SLC34A1: variants seen among roughly 807,000 people sequenced by gnomAD.
SLC34A1 encodes sodium-dependent phosphate transport protein 2A.
Under a neutral mutation model 51.4 loss-of-function variants are expected in SLC34A1, and 57 were observed. The observed-to-expected ratio is 1.11, with a 90% CI of 0.90 to 1.38. The LOEUF (loss-of-function observed/expected upper bound fraction) is 1.38, where lower values mean the gene tolerates loss of function less well. Among genes scored for constraint, SLC34A1 ranks in the 40% most tolerant of loss-of-function variants. The probability of loss-of-function intolerance (pLI) is 0.00; values close to 1 mark genes in which losing one functional copy is unlikely to be tolerated. For missense variants in SLC34A1, 796 were observed against 835.6 expected (o/e 0.95, Z 0.58); for synonymous variants, 368 against 358.0 (o/e 1.03, Z -0.32).
At chr5:177,389,959 C>T (rs1762745510) in intron 8 of SLC34A1, 1 of 1,396,522 alleles carries the variant, frequency 7.2e-7, no homozygotes, top group Non-Finnish European at 9.3e-7. Flanking sequence ...TGGAGAGTAG[C>T]TGGTGGGTGG....
At chr5:177,387,369 T>C (rs1191203297) in intron 5 of SLC34A1, among the ~76,000 whole-genome samples, 1 of 152,040 alleles carries the variant, frequency 6.6e-6, no homozygotes, top group Non-Finnish European at 1.5e-5. Flanking sequence ...CACTCCAGCC[T>C]GGGCGACAGA....
intron 8 of SLC34A1, chr5:177,389,945 G>T: frequency 7.1e-7 from 1 of 1,405,284 alleles, no homozygotes; most frequent in South Asian, 1.6e-5. Context: ...TCATTTCCTC[G>T]GCTTGGAGAG....
chr5:177,388,274 C>T lies in SLC34A1; in HGVS notation c.841-3C>T, dbSNP rs1762675064. 6.2e-7 allele frequency: 1 copy of T among 1,614,050 alleles called. No individual in the cohort carries two copies. The highest frequency in any genetic ancestry group is 1.3e-5 in the African/African-American group (1 of 74,922). On this transcript the variant is annotated splice_polypyrimidine_tract_variant and splice_region_variant and intron_variant, in intron 7 of 12. Coordinates refer to ENST00000324417, the MANE Select transcript of SLC34A1 (RefSeq NM_003052.5). The surrounding 1 kb of genome is among the most constrained non-coding windows in gnomAD (Gnocchi z 4.3). ...ACTCCCCCTGCCCACATCTTGCCCACAGCTGGACGAGTCTGTGATAACCAG... is the reference window on the plus strand; with the variant it reads ...ACTCCCCCTGCCCACATCTTGCCCATAGCTGGACGAGTCTGTGATAACCAG...
In SLC34A1 at chr5:177,389,847, C is replaced by G. The variant is rs183163580; in HGVS notation, c.936+1475C>G. The G allele has an allele frequency of 6.1e-6, 9 of 1,477,626 alleles. No individual in the cohort carries two copies. The East Asian group carries it at 1.7e-4, about 29-fold the overall frequency. The allele number at this position is 1,477,626 out of a possible 1,614,324, so 91.5% of individuals were successfully genotyped here. A position where few individuals can be genotyped will look rare whatever the true frequency, so the allele number is the denominator to read the frequency against. On this transcript the variant is annotated intron_variant, in intron 8 of 12. Coordinates refer to ENST00000324417, the MANE Select transcript of SLC34A1 (RefSeq NM_003052.5). ...GAGGCCGCCCTTGGGCCTTTCTCTA[C>G]GGCTGCAGCTGACACTTGTCCAGCT...
rs1031285040 is a variant in SLC34A1 at position 177,394,531 on chromosome 5, G to T, written c.1174+336G>T. ...AAACAGAGTTGGGTCCTGCCCTGAG[G>T]GGCTCACAGCCCAGCAGGGGGAGGA... On this transcript the variant is annotated intron_variant, in intron 10 of 12. Coordinates refer to ENST00000324417, the MANE Select transcript of SLC34A1 (RefSeq NM_003052.5). Among the ~76,000 whole-genome samples the T allele has an allele frequency of 2.0e-5, 3 of 152,128 alleles. No homozygotes were observed. The South Asian group carries it at 6.2e-4, about 31-fold the overall frequency.
Position 177,388,179 on chromosome 5 carries a change from T to C in SLC34A1, c.830T>C (p.Leu277Pro). 2.5e-6 allele frequency: 4 copies of C among 1,614,028 alleles called. No individual in the cohort carries two copies. Among genetic ancestry groups the C allele is most frequent in the Non-Finnish European group, 2.5e-6 (3 of 1,179,984 alleles). ...LKIITEPFTK[L>P]IIQLDESVIT... ...ATCATCACAGAGCCCTTCACGAAGC[T>C]CATCATCCAGGTGACAGCAGGGCCT... Residue 277 changes from leucine (L) to proline (P), a missense_variant, in exon 7 of 13, where the codon CTC (leucine) becomes CCC (proline). Coordinates refer to ENST00000324417, the MANE Select transcript of SLC34A1 (RefSeq NM_003052.5). The surrounding 1 kb of genome is among the most constrained non-coding windows in gnomAD (Gnocchi z 4.3).
rs775773480 is a variant in SLC34A1 at position 177,386,604 on chromosome 5, G to A, written c.532+38G>A. ...ACCAGGGTGGGGAAGAGCTTGGAGG[G>A]GCACCCCAGGAGCTGGGAAGGGTGG... On this transcript the variant is annotated intron_variant, in intron 5 of 12. Coordinates refer to ENST00000324417, the MANE Select transcript of SLC34A1 (RefSeq NM_003052.5). This position sits in a 1 kb window ranked among gnomAD's most constrained non-coding sequence, Gnocchi z 4.8. 1 of 1,612,076 alleles carries A rather than the reference G, an allele frequency of 6.2e-7. No individual in the cohort carries two copies. Among genetic ancestry groups the A allele is most frequent in the South Asian group, 1.1e-5 (1 of 91,066 alleles).
rs1443017066 is a variant in SLC34A1, at chr5:177,397,341, T to C, written c.1416+267T>C. ...AAGGAAGAGGAAGAGGAAGAGGCAC[T>C]ACAAAAGAGGGCCTGGAGCAGTTTG... On this transcript the variant is annotated intron_variant, in intron 12 of 12. Coordinates refer to ENST00000324417, the MANE Select transcript of SLC34A1 (RefSeq NM_003052.5). 6 of 527,712 alleles carry C rather than the reference T, an allele frequency of 1.1e-5. No individual in the cohort carries two copies. In the African/African-American group the frequency reaches 1.1e-4, roughly 10 times the overall value. 32.7% of individuals were successfully genotyped at this position (527,712 alleles called of 1,614,324 possible).
intron 12 of SLC34A1, 160 bp from the exon 13 acceptor site, chr5:177,397,623 C>A: frequency 1.1e-6 from 1 of 872,004 alleles, no homozygotes; most frequent in Admixed American, 2.0e-5. Context: ...GCCAGCATAG[C>A]CACCTCGGGG....
Position 177,396,862 on chromosome 5 carries a change from G to A in SLC34A1, c.1291+13G>A, listed in dbSNP as rs371708728. ...ACCCCACTCATCGGTGAGTGCCCAT[G>A]TAGAGGTGGAGTGGGGTGGGCCAGG... is the stretch of plus-strand genomic sequence containing the variant. On this transcript the variant is annotated intron_variant, in intron 11 of 12. Coordinates refer to ENST00000324417, the MANE Select transcript of SLC34A1 (RefSeq NM_003052.5). This position sits in a 1 kb window ranked among gnomAD's most constrained non-coding sequence, Gnocchi z 4.0. 3.7e-6 allele frequency: 6 copies of A among 1,614,060 alleles called. No individual in the cohort carries two copies. The African/African-American group carries it at 8.0e-5, about 22-fold the overall frequency.
chr5:177,387,174 C>A (rs187287448), intron 5 of SLC34A1, among the ~76,000 whole-genome samples: 5 of 151,334 alleles, frequency 3.3e-5, no homozygotes, highest in Non-Finnish European at 7.4e-5. Flanking sequence ...ATCGAGACCA[C>A]CCTGGCTAAC....
rs556473651 is a variant in SLC34A1 at position 177,391,747 on chromosome 5, C to T, written c.937-1947C>T. Among the ~76,000 whole-genome samples the T allele has an allele frequency of 2.2e-4, 34 of 152,308 alleles. 1 individual carries two copies. Among genetic ancestry groups the T allele is most frequent in the Non-Finnish European group, 2.9e-4 (20 of 68,020 alleles). On this transcript the variant is annotated intron_variant, in intron 8 of 12. Transcript: ENST00000324417. ...CACTCCATATCAGAAGACAGTTTACCGAAGGCTCATGATGAGCCAAGCCCT... is the reference window on the plus strand; with the variant it reads ...CACTCCATATCAGAAGACAGTTTACTGAAGGCTCATGATGAGCCAAGCCCT...
chr5:177,390,337 G>A lies in SLC34A1; in HGVS notation c.936+1965G>A, dbSNP rs558746839. ...CACCTTCTTATGTGGCCACACTGTG[G>A]ACTGTCAACTATACCTGCCTGGATT... On this transcript the variant is annotated intron_variant, in intron 8 of 12. Coordinates refer to ENST00000324417, the MANE Select transcript of SLC34A1 (RefSeq NM_003052.5). 35 of 986,556 alleles carry A rather than the reference G, an allele frequency of 3.5e-5. No homozygotes were observed. In the South Asian group the frequency reaches 1.6e-3, roughly 46 times the overall value. 61.1% of individuals were successfully genotyped at this position (986,556 alleles called of 1,614,324 possible). A position where few individuals can be genotyped will look rare whatever the true frequency, so the allele number is the denominator to read the frequency against.
At chr5:177,394,643 G>A (rs1017721126) in intron 10 of SLC34A1, among the ~76,000 whole-genome samples, 5 of 150,984 alleles carry the variant, frequency 3.3e-5, no homozygotes, top group Non-Finnish European at 5.9e-5. Flanking sequence ...GATCACTTGA[G>A]CCCAGGAGTC....
chr5:177,387,174 C>T lies in SLC34A1; in HGVS notation c.533-588C>T, dbSNP rs187287448. On this transcript the variant is annotated intron_variant, in intron 5 of 12. Coordinates refer to ENST00000324417, the MANE Select transcript of SLC34A1 (RefSeq NM_003052.5). ...TCACGAGGTCAGTAGATCGAGACCA[C>T]CCTGGCTAACACGGTGAAACCCTGT... Among the ~76,000 whole-genome samples, 333 of 151,446 alleles carry T rather than the reference C, an allele frequency of 2.2e-3. 2 individuals are homozygous for T. Among genetic ancestry groups the T allele is most frequent in the East Asian group, 4.5e-3 (23 of 5,152 alleles).
In SLC34A1 at chr5:177,395,111, G is replaced by A. The variant is rs1042976492; in HGVS notation, c.1174+916G>A. Among the ~76,000 whole-genome samples the A allele has an allele frequency of 2.6e-5, 4 of 152,052 alleles. No homozygotes were observed. In the East Asian group the frequency reaches 5.8e-4, roughly 22 times the overall value. On this transcript the variant is annotated intron_variant, in intron 10 of 12. Coordinates refer to ENST00000324417, the MANE Select transcript of SLC34A1 (RefSeq NM_003052.5). ...CGCTTGAGCCTAGCAGGTTGAGGCC[G>A]CAGTGAGCTATGATGGCACCACTGC... is the stretch of plus-strand genomic sequence containing the variant.
At chr5:177,390,308 G>GA in intron 8 of SLC34A1, 1 of 987,280 alleles carries the variant, frequency 1.0e-6, no homozygotes, top group Non-Finnish European at 1.2e-6. Context: ...ACCGTCCTGG[G>GA]AATCACCTTC....
At position 177,388,145 on chromosome 5, in the gene SLC34A1, C is replaced by A. The variant is rs1185408111; in HGVS notation, c.796C>A (p.Leu266Met). The change falls in exon 7 of 13, where the codon CTG becomes ATG. Residue 266 changes from leucine (L) to methionine (M), a missense_variant. Physicochemically the swap from Leu to Met is conservative, Grantham distance 15 (BLOSUM62 2). Coordinates refer to ENST00000324417, the MANE Select transcript of SLC34A1 (RefSeq NM_003052.5). This position sits in a 1 kb window ranked among gnomAD's most constrained non-coding sequence, Gnocchi z 4.3. ...NIHGGRDAPD[L>M]LKIITEPFTK... is the part of the protein sequence containing the mutation. ...CCATGGTGGCCGTGATGCTCCTGACCTGCTCAAGATCATCACAGAGCCCTT... is the reference window on the plus strand; with the variant it reads ...CCATGGTGGCCGTGATGCTCCTGACATGCTCAAGATCATCACAGAGCCCTT... The A allele has an allele frequency of 1.5e-5, 24 of 1,614,154 alleles. No homozygotes were observed. Among genetic ancestry groups the A allele is most frequent in the Non-Finnish European group, 1.9e-5 (23 of 1,180,010 alleles).
At chr5:177,390,382 A>G in intron 8 of SLC34A1, 1 of 985,450 alleles carries the variant, frequency 1.0e-6, no homozygotes, top group Non-Finnish European at 1.2e-6. Context: ...TCTTTTGAGG[A>G]CTTGCAACCT....
Sources: gnomAD v4.1 joint callset for allele counts (sites outside exome capture counted in the v4.1 genomes callset) on GRCh38, gnomAD v4.1.1 for gene constraint, Gnocchi (gnomAD v3.1) non-coding constraint, MANE v1.5 for transcripts, NCBI Gene and HGNC (gene_info 2026-07-23, HGNC 2026-07-21) for gene names.